The following GRID1 variants were observed in gnomAD, a reference collection of about 807,000 sequenced individuals.
GRID1 encodes glutamate receptor ionotropic, delta-1.
GRID1 carries 28 observed loss-of-function variants against 98.0 expected under a neutral mutation model. The ratio of observed to expected loss-of-function variants is 0.29; its 90% confidence interval spans 0.21 to 0.39. The LOEUF (loss-of-function observed/expected upper bound fraction) is 0.39. Ranked by LOEUF, GRID1 falls within the 10% of genes least tolerant of loss-of-function variation. GRID1 has a pLI of 1.00. For missense variants in GRID1, 1,111 were observed against 1,340.5 expected (o/e 0.83, Z 2.67); for synonymous variants, 553 against 538.5 (o/e 1.03, Z -0.37).
chr10:85,745,724 A>T (rs1228787535), intron 8 of GRID1, among the ~76,000 whole-genome samples: 6 of 81,628 alleles, frequency 7.4e-5, no homozygotes, highest in Admixed American at 2.2e-4. Flanking sequence ...AAGTATAATT[A>T]AAAAAAAAAA....
At chr10:86,341,792 G>T (rs1341914714) in intron 2 of GRID1, among the ~76,000 whole-genome samples, 3 of 152,210 alleles carry the variant, frequency 2.0e-5, no homozygotes, top group Admixed American at 1.3e-4. Context: ...GGACCGAGTG[G>T]CTTCCAAATG....
At chr10:86,208,010 A>G (rs1846057765) in intron 2 of GRID1, among the ~76,000 whole-genome samples, 1 of 152,184 alleles carries the variant, frequency 6.6e-6, no homozygotes, top group Non-Finnish European at 1.5e-5. Flanking sequence ...AACTTTTGAC[A>G]ATGCAGTTCT....
At chr10:86,332,819 G>A (rs1325203026) in intron 2 of GRID1, among the ~76,000 whole-genome samples, 5 of 152,082 alleles carry the variant, frequency 3.3e-5, no homozygotes, top group African/African-American at 7.2e-5. Context: ...AGGCCCAAGC[G>A]TAGACGTGAC....
chr10:86,087,095 G>C (rs551390147), intron 4 of GRID1, among the ~76,000 whole-genome samples: 2 of 152,286 alleles, frequency 1.3e-5, no homozygotes, highest in Non-Finnish European at 2.9e-5. Context: ...TACATGGAAG[G>C]CATGGGGCAT....
At chr10:86,120,396 G>T (rs1044157243) in intron 4 of GRID1, among the ~76,000 whole-genome samples, 1 of 152,164 alleles carries the variant, frequency 6.6e-6, no homozygotes, top group African/African-American at 2.4e-5. Flanking sequence ...TTCAGAGGAC[G>T]CCCTCACAAT....
chr10:85,864,201 C>T (rs117937661), intron 6 of GRID1, among the ~76,000 whole-genome samples: 1 of 152,200 alleles, frequency 6.6e-6, no homozygotes, highest in African/African-American at 2.4e-5. Context: ...GCGGGGAGGA[C>T]AAGTTGACAC....
In GRID1 at chr10:85,772,469, A is replaced by T. The variant is rs560286454; in HGVS notation, c.1234-42855T>A. Among the ~76,000 whole-genome samples, 554 of 151,404 alleles carry T rather than the reference A, an allele frequency of 3.7e-3. 4 individuals are homozygous for T. The highest frequency in any genetic ancestry group is 0.013 in the African/African-American group (525 of 41,116). On this transcript the variant is annotated intron_variant, in intron 8 of 15. Transcript: ENST00000327946. ...CTAGCAGAAGGCAAGAAATAACTAAAATCAGAGCAGAACTGAAGGAAATAG... is the reference window on the plus strand; with the variant it reads ...CTAGCAGAAGGCAAGAAATAACTAATATCAGAGCAGAACTGAAGGAAATAG...
chr10:85,883,492 GTC>G (rs1208463812), intron 5 of GRID1, among the ~76,000 whole-genome samples: 64 of 132,908 alleles, frequency 4.8e-4, no homozygotes, highest in Admixed American at 7.3e-4. Context: ...TTCTCTCTCT[GTC>G]TCTCTCTCTC....
intron 8 of GRID1, among the ~76,000 whole-genome samples, chr10:85,813,994 A>C (rs550394272): frequency 1.6e-3 from 240 of 151,954 alleles, no homozygotes; most frequent in African/African-American, 5.6e-3. Context: ...AAAATGAAAT[A>C]TTTTTAAAAA....
At chr10:86,313,137 G>A (rs1847854161) in intron 2 of GRID1, among the ~76,000 whole-genome samples, 1 of 152,248 alleles carries the variant, frequency 6.6e-6, no homozygotes, top group Admixed American at 6.5e-5. Context: ...CCTGTGGAGG[G>A]AACTGGGGTT....
intron 12 of GRID1, among the ~76,000 whole-genome samples, chr10:85,679,150 G>A (rs990163518): frequency 6.6e-6 from 1 of 152,102 alleles, no homozygotes; most frequent in East Asian, 1.9e-4. Context: ...AGTTTCAGAA[G>A]CCTCCAGGGA....
At chr10:86,143,463 G>A (rs1406467364) in intron 3 of GRID1, among the ~76,000 whole-genome samples, 1 of 152,014 alleles carries the variant, frequency 6.6e-6, no homozygotes, top group Non-Finnish European at 1.5e-5. Context: ...ACAATGAACA[G>A]AGCTGGGACT....
chr10:85,613,330 A>G (rs986026564), intron 15 of GRID1, 77 bp downstream of exon 15: 23 of 1,435,300 alleles, frequency 1.6e-5, no homozygotes, highest in Non-Finnish European at 2.0e-5. Flanking sequence ...ACTAGAAACA[A>G]CCTGCCCTCC....
At chr10:86,313,559 G>C (rs1055974450) in intron 2 of GRID1, among the ~76,000 whole-genome samples, 5 of 152,190 alleles carry the variant, frequency 3.3e-5, no homozygotes, top group Non-Finnish European at 7.3e-5. Context: ...AGAGCCACCA[G>C]GGGAGTCTCC....
At chr10:85,962,725 G>A (rs910178530) in intron 4 of GRID1, among the ~76,000 whole-genome samples, 1 of 152,148 alleles carries the variant, frequency 6.6e-6, no homozygotes, top group Non-Finnish European at 1.5e-5. Context: ...ACTCTGCTCA[G>A]GTTTGGGAGG....
chr10:86,212,621 T>C (rs1034303252), intron 2 of GRID1, among the ~76,000 whole-genome samples: 1 of 152,126 alleles, frequency 6.6e-6, no homozygotes, highest in Non-Finnish European at 1.5e-5. Flanking sequence ...AGCCACCTCG[T>C]TCCTCCAATA....
intron 12 of GRID1, among the ~76,000 whole-genome samples, chr10:85,703,135 A>G (rs1208359663): frequency 6.6e-6 from 1 of 152,100 alleles, no homozygotes; most frequent in South Asian, 2.1e-4. Context: ...TCTAAACAAT[A>G]TTAGAGAGGA....
chr10:86,115,760 C>A (rs1473714831), intron 4 of GRID1, among the ~76,000 whole-genome samples: 1 of 152,218 alleles, frequency 6.6e-6, no homozygotes, highest in Non-Finnish European at 1.5e-5. Flanking sequence ...CCCAGCTGCT[C>A]CTGGCAGAAG....
At chr10:85,902,980 C>T (rs972234996) in intron 5 of GRID1, among the ~76,000 whole-genome samples, 2 of 152,180 alleles carry the variant, frequency 1.3e-5, no homozygotes, top group Non-Finnish European at 2.9e-5. Context: ...TCTCTGGCTT[C>T]ACATGCCCCA....
Sources: allele counts gnomAD v4.1 joint callset (sites outside exome capture counted in the v4.1 genomes callset), GRCh38; gene constraint gnomAD v4.1.1; transcripts MANE v1.5; gene names NCBI Gene and HGNC (gene_info 2026-07-23, HGNC 2026-07-21).